The following ERLEC1 variants were observed in gnomAD, a reference collection of about 807,000 sequenced individuals.
The protein encoded by ERLEC1 is endoplasmic reticulum lectin 1.
Under a neutral mutation model 68.0 loss-of-function variants are expected in ERLEC1, and 47 were observed. That is an observed-to-expected ratio of 0.69 (90% CI 0.55 to 0.88). The LOEUF (loss-of-function observed/expected upper bound fraction) is 0.88. ERLEC1 is among the 40% of genes least tolerant of loss of function. The pLI is 0.00. For missense variants in ERLEC1, 567 were observed against 583.8 expected (o/e 0.97, Z 0.30); for synonymous variants, 225 against 203.2 (o/e 1.11, Z -0.91).
intron 1 of ERLEC1, among the ~76,000 whole-genome samples, chr2:53,793,612 C>T (rs13397416): frequency 1.3e-5 from 2 of 151,038 alleles, no homozygotes; most frequent in South Asian, 2.1e-4. Flanking sequence ...GCCTTTTTTT[C>T]TTTTTTTCTT....
intron 1 of ERLEC1, among the ~76,000 whole-genome samples, chr2:53,790,916 T>A (rs1675359689): frequency 6.6e-6 from 1 of 152,256 alleles, no homozygotes; most frequent in Non-Finnish European, 1.5e-5. Flanking sequence ...TGTTTAATTA[T>A]TCATTACTTT....
At chr2:53,808,621 G>A (rs540712403) in intron 9 of ERLEC1, among the ~76,000 whole-genome samples, 161 bp downstream of exon 9, 4 of 152,204 alleles carry the variant, frequency 2.6e-5, no homozygotes, top group Non-Finnish European at 5.9e-5. Flanking sequence ...ATACCCCCAC[G>A]TTTCTGTAAT....
In ERLEC1 at chr2:53,817,907, C is replaced by T. The variant is rs375985538; in HGVS notation, c.1390C>T (p.Pro464Ser). The change falls in exon 14 of 14, where the codon CCA becomes TCA. Residue 464 changes from proline (P) to serine (S), a missense_variant. Transcript: ENST00000185150. ...SCQYILGVES[P>S]VICKILDTAD... ...TGTTGTTCTTCTTTAGGTTGAATCT[C>T]CAGTGATCTGTAAAATCTTAGATAC... 4.7e-5 allele frequency: 76 copies of T among 1,606,026 alleles called. No homozygotes were observed. Among genetic ancestry groups the T allele is most frequent in the Admixed American group, 1.2e-4 (7 of 59,964 alleles).
chr2:53,814,742 A>G (rs887825970), intron 12 of ERLEC1, 118 bp from the exon 13 acceptor site: 3 of 984,242 alleles, frequency 3.0e-6, no homozygotes. Flanking sequence ...TAAATTATTG[A>G]TAAAATTATA....
chr2:53,815,949 T>C lies in ERLEC1; in HGVS notation c.1380+1014T>C, dbSNP rs1446786742. ...GGACATTAACTCTTTGTATTTGTAT[T>C]GCACATATTTTTTTCTCTGTCTGTG... is the stretch of plus-strand genomic sequence containing the variant. On this transcript the variant is annotated intron_variant, in intron 13 of 13. Transcript: ENST00000185150. 2.6e-5 allele frequency among the ~76,000 whole-genome samples: 4 copies of C among 152,190 alleles called. No individual in the cohort carries two copies. The East Asian group carries it at 7.7e-4, about 29-fold the overall frequency.
At chr2:53,812,117 T>C (rs992560875) in intron 10 of ERLEC1, among the ~76,000 whole-genome samples, 1 of 152,124 alleles carries the variant, frequency 6.6e-6, no homozygotes, top group African/African-American at 2.4e-5. Flanking sequence ...TTTCTACATG[T>C]TGGTCAGGCC....
chr2:53,797,892 G>A (rs904149219), intron 5 of ERLEC1, 97 bp downstream of exon 5: 192 of 1,158,326 alleles, frequency 1.7e-4, no homozygotes, highest in Non-Finnish European at 1.9e-4. Flanking sequence ...TGGACATTGT[G>A]TGAATTTTAA....
intron 6 of ERLEC1, among the ~76,000 whole-genome samples, chr2:53,799,817 A>G (rs749748779): frequency 6.6e-6 from 1 of 152,178 alleles, no homozygotes; most frequent in Non-Finnish European, 1.5e-5. Flanking sequence ...GAGAGACTTG[A>G]TAAGCTAAGC....
At chr2:53,815,064 G>A (rs1676805598) in intron 13 of ERLEC1, 129 bp downstream of exon 13, 2 of 568,892 alleles carry the variant, frequency 3.5e-6, no homozygotes, top group Non-Finnish European at 5.9e-6. Flanking sequence ...AGAGTGCCGT[G>A]GCATAATCTT....
Position 53,801,713 on chromosome 2 carries a change from G to A in ERLEC1, c.750G>A (p.Arg250=), listed in dbSNP as rs1240077657. Residue 250 remains arginine, a splice_region_variant and synonymous_variant, in exon 8 of 14, where the codon AGG becomes AGA. Transcript: ENST00000185150. ...TPLLCSHPKY[R]FRASPVNDIF... is the part of the protein sequence containing the mutation. The stretch of plus-strand genomic sequence containing the variant: ...TTAATGCTTTGTTCCTACTGAACAG[G>A]TTCAGAGCATCTCCTGTGAATGACA... The A allele has an allele frequency of 6.2e-7, 1 of 1,613,996 alleles. No individual in the cohort carries two copies. The highest frequency in any genetic ancestry group is 2.2e-5 in the East Asian group (1 of 44,876).
rs373252361 is a variant in ERLEC1, at chr2:53,808,456, G to C, written c.1037G>C (p.Arg346Pro). 3 of 1,613,338 alleles carry C rather than the reference G, an allele frequency of 1.9e-6. No individual in the cohort carries two copies. Among genetic ancestry groups the C allele is most frequent in the Non-Finnish European group, 2.5e-6 (3 of 1,179,920 alleles). ...KEFLSGSYCF[R>P]GGVGWWKYEF... ...TTTCTTAGTGGTTCTTACTGCTTTC[G>C]TGGGGTGAGAAGTAAATCTTCAGTT... Residue 346 changes from arginine to proline, a missense_variant, in exon 9 of 14, where the codon CGT becomes CCT. Coordinates refer to ENST00000185150, the MANE Select transcript of ERLEC1 (RefSeq NM_015701.5).
intron 3 of ERLEC1, among the ~76,000 whole-genome samples, chr2:53,796,535 C>T (rs937514460): frequency 1.3e-5 from 2 of 151,924 alleles, no homozygotes; most frequent in South Asian, 2.1e-4. Flanking sequence ...TCACGATTCA[C>T]TGCAGCCCCA....
chr2:53,806,666 G>T (rs925939010), intron 8 of ERLEC1, among the ~76,000 whole-genome samples: 1 of 152,100 alleles, frequency 6.6e-6, no homozygotes, highest in Admixed American at 6.5e-5. Context: ...TGGAGTAACC[G>T]TCCAGTGACT....
At chr2:53,815,168 G>T (rs1012889748) in intron 13 of ERLEC1, among the ~76,000 whole-genome samples, 1 of 151,658 alleles carries the variant, frequency 6.6e-6, no homozygotes, top group Non-Finnish European at 1.5e-5. Flanking sequence ...ACCACACCCA[G>T]CTAATTTTTG....
intron 1 of ERLEC1, chr2:53,788,599 T>C (rs1371564306): frequency 6.6e-6 from 1 of 151,796 alleles, no homozygotes; most frequent in Non-Finnish European, 1.5e-5. Flanking sequence ...GGTCTCACTA[T>C]GTTGCCTAGG....
At chr2:53,811,530 G>C (rs1178184660) in intron 10 of ERLEC1, among the ~76,000 whole-genome samples, 4 of 152,156 alleles carry the variant, frequency 2.6e-5, no homozygotes, top group Admixed American at 1.3e-4. Context: ...TAGGTGTTTA[G>C]AGAGATACTA....
At chr2:53,807,773 G>A (rs1379628779) in intron 8 of ERLEC1, among the ~76,000 whole-genome samples, 3 of 152,054 alleles carry the variant, frequency 2.0e-5, no homozygotes, top group Non-Finnish European at 2.9e-5. Context: ...TTGGGAGTCC[G>A]AGGTGGGTAG....
intron 8 of ERLEC1, among the ~76,000 whole-genome samples, chr2:53,805,619 A>G (rs1479822953): frequency 6.6e-6 from 1 of 151,932 alleles, no homozygotes; most frequent in Non-Finnish European, 1.5e-5. Context: ...GGAAGTGCAG[A>G]TATCTCTTCA....
intron 1 of ERLEC1, among the ~76,000 whole-genome samples, chr2:53,788,370 TTTTGG>T (rs575408866): frequency 8.5e-5 from 13 of 152,172 alleles, no homozygotes; most frequent in Admixed American, 5.2e-4. Context: ...GTTAGGGGTT[TTTTGG>T]TTTGGTTTGG....
Sources: allele counts gnomAD v4.1 joint callset (sites outside exome capture counted in the v4.1 genomes callset), GRCh38; gene constraint gnomAD v4.1.1; transcripts MANE v1.5; gene names NCBI Gene and HGNC (gene_info 2026-07-23, HGNC 2026-07-21).